FREM1: variants seen among roughly 807,000 people sequenced by gnomAD.
The protein encoded by FREM1 is FRAS1-related extracellular matrix protein 1.
FREM1 carries 220 observed loss-of-function variants against 210.1 expected under a neutral mutation model. The observed-to-expected ratio is 1.05, with a 90% CI of 0.94 to 1.17. The LOEUF (loss-of-function observed/expected upper bound fraction) is 1.17. Among genes scored for constraint, FREM1 ranks in the 50% most tolerant of loss-of-function variants. FREM1 has a pLI of 0.00. For missense variants in FREM1, 3,454 were observed against 2,675.5 expected (o/e 1.29, Z -6.42); for synonymous variants, 1,189 against 980.2 (o/e 1.21, Z -3.98).
intron 35 of FREM1, among the ~76,000 whole-genome samples, chr9:14,745,194 T>A (rs989074278): frequency 6.6e-6 from 1 of 152,024 alleles, no homozygotes; most frequent in Non-Finnish European, 1.5e-5. Flanking sequence ...GTTGAAATAA[T>A]CTCTACAACA....
intron 14 of FREM1, among the ~76,000 whole-genome samples, chr9:14,819,026 T>C (rs573250242): frequency 1.6e-4 from 24 of 152,290 alleles, no homozygotes; most frequent in African/African-American, 5.8e-4. Context: ...TTATTTCCAC[T>C]GGTATAGCAA....
At chr9:14,757,184 A>G (rs1587740495) in intron 28 of FREM1, among the ~76,000 whole-genome samples, 1 of 152,330 alleles carries the variant, frequency 6.6e-6, no homozygotes, top group South Asian at 2.1e-4. Flanking sequence ...CCCCAAGACT[A>G]AAAACCAAAG....
chr9:14,902,427 C>T (rs1838950533), intron 1 of FREM1, among the ~76,000 whole-genome samples: 1 of 152,138 alleles, frequency 6.6e-6, no homozygotes, highest in African/African-American at 2.4e-5. Context: ...TCAGTGAATC[C>T]CATAGCCTGT....
At position 14,896,732 on chromosome 9, in the gene FREM1, C is replaced by G. The variant is rs199871044; in HGVS notation, c.-268+13182G>C. ...CTTAAAACAACAACAACAACAAAAACCAGAATGGTATTCGCTGTGATAGCA... is the reference window on the plus strand; with the variant it reads ...CTTAAAACAACAACAACAACAAAAAGCAGAATGGTATTCGCTGTGATAGCA... On this transcript the variant is annotated intron_variant, in intron 1 of 36. Transcript: ENST00000380880. Among the ~76,000 whole-genome samples the G allele has an allele frequency of 2.0e-5, 3 of 152,226 alleles. No homozygotes were observed. The East Asian group carries it at 5.8e-4, about 29-fold the overall frequency.
At chr9:14,876,693 C>T (rs934355234) in intron 1 of FREM1, among the ~76,000 whole-genome samples, 8 of 152,260 alleles carry the variant, frequency 5.3e-5, no homozygotes, top group African/African-American at 7.2e-5. Context: ...CACTGTCCTG[C>T]GCCCACTGTC....
chr9:14,742,836 T>C (rs1383612579), intron 35 of FREM1, among the ~76,000 whole-genome samples: 2 of 152,126 alleles, frequency 1.3e-5, no homozygotes, highest in African/African-American at 2.4e-5. Context: ...ATAGTTAAAA[T>C]AGACATACTT....
At chr9:14,801,602 A>T in intron 20 of FREM1, 50 bp downstream of exon 20, 2 of 1,284,832 alleles carry the variant, frequency 1.6e-6, no homozygotes, top group Non-Finnish European at 2.2e-6. Flanking sequence ...AGTATGGGTT[A>T]AATTATTCAA....
intron 25 of FREM1, among the ~76,000 whole-genome samples, chr9:14,775,155 A>T (rs1848329887): frequency 6.6e-6 from 1 of 152,178 alleles, no homozygotes; most frequent in Admixed American, 6.5e-5. Context: ...CATGTTTTTC[A>T]AAGAAGGAAA....
At chr9:14,770,504 G>T in intron 26 of FREM1, 101 bp downstream of exon 26, 1 of 810,372 alleles carries the variant, frequency 1.2e-6, no homozygotes, top group Non-Finnish European at 2.1e-6. Flanking sequence ...GCCCTGGGGA[G>T]TGTTTACCAA....
At chr9:14,807,841 T>A (rs1818669803) in intron 17 of FREM1, 99 bp downstream of exon 17, 1 of 861,066 alleles carries the variant, frequency 1.2e-6, no homozygotes, top group African/African-American at 1.7e-5. Flanking sequence ...CATATGGTGG[T>A]TTTCTTTTTA....
At chr9:14,742,579 C>G (rs897270720) in intron 35 of FREM1, among the ~76,000 whole-genome samples, 1 of 152,022 alleles carries the variant, frequency 6.6e-6, no homozygotes, top group Admixed American at 6.6e-5. Context: ...AATTTGCTGT[C>G]CTTGTGGAAA....
At chr9:14,763,098 T>C (rs1845795944) in intron 27 of FREM1, among the ~76,000 whole-genome samples, 2 of 152,226 alleles carry the variant, frequency 1.3e-5, no homozygotes, top group Non-Finnish European at 2.9e-5. Flanking sequence ...TGGACACATT[T>C]TATGTGTAAC....
intron 1 of FREM1, among the ~76,000 whole-genome samples, chr9:14,879,059 A>C (rs1834304240): frequency 6.6e-6 from 1 of 151,434 alleles, no homozygotes; most frequent in Non-Finnish European, 1.5e-5. Flanking sequence ...TAGGAGGCTG[A>C]GGCAGGAGAA....
intron 29 of FREM1, among the ~76,000 whole-genome samples, chr9:14,751,318 T>C (rs1843339552): frequency 6.6e-6 from 1 of 152,196 alleles, no homozygotes; most frequent in Non-Finnish European, 1.5e-5. Context: ...CCCCTCTATA[T>C]GATACAGTTA....
At chr9:14,875,343 G>A (rs1035691817) in intron 1 of FREM1, among the ~76,000 whole-genome samples, 8 of 152,122 alleles carry the variant, frequency 5.3e-5, no homozygotes, top group African/African-American at 1.7e-4. Flanking sequence ...TTTTCACATA[G>A]TCCCATATTT....
In FREM1 at chr9:14,910,140, T is replaced by C. The variant is rs910778044; in HGVS notation, c.-494A>G. On this transcript the variant is annotated 5_prime_UTR_variant, in exon 1 of 37. Transcript: ENST00000380880. ...AACCCACCTCACAGAAAATACAGAA[T>C]TGAAGTTCACATACACACTCCACTT... 6.6e-6 allele frequency: 1 copy of C among 152,200 alleles called. No homozygotes were observed. 9.4% of individuals were successfully genotyped at this position (152,200 alleles called of 1,614,324 possible).
intron 18 of FREM1, 50 bp from the exon 19 acceptor site, chr9:14,805,202 G>C (rs1340331929): frequency 1.8e-6 from 2 of 1,131,406 alleles, no homozygotes; most frequent in Admixed American, 2.4e-5. Context: ...ATTTTTCCAA[G>C]TTATTGGTCC....
In FREM1 at chr9:14,902,755, G is replaced by A. The variant is rs1225943958; in HGVS notation, c.-268+7159C>T. 3.9e-5 allele frequency among the ~76,000 whole-genome samples: 6 copies of A among 152,264 alleles called. No homozygotes were observed. In the East Asian group the frequency reaches 1.2e-3, roughly 29 times the overall value. On this transcript the variant is annotated intron_variant, in intron 1 of 36. Coordinates refer to ENST00000380880, the MANE Select transcript of FREM1 (RefSeq NM_001379081.2). ...AGCTAGTCCTTTAGTCCTGTCTGAGGAATTTTGTCACCCCATCCTGCTGCC... is the reference window on the plus strand; with the variant it reads ...AGCTAGTCCTTTAGTCCTGTCTGAGAAATTTTGTCACCCCATCCTGCTGCC...
intron 1 of FREM1, among the ~76,000 whole-genome samples, chr9:14,890,925 C>T (rs1836704439): frequency 6.6e-6 from 1 of 152,158 alleles, no homozygotes; most frequent in Admixed American, 6.5e-5. Context: ...TGCTTTCAGC[C>T]AGAGCGTTGT....
Sources: allele counts gnomAD v4.1 joint callset (sites outside exome capture counted in the v4.1 genomes callset), GRCh38; gene constraint gnomAD v4.1.1; transcripts MANE v1.5; gene names NCBI Gene and HGNC (gene_info 2026-07-23, HGNC 2026-07-21).